SLC36A1: variants seen among roughly 807,000 people sequenced by gnomAD.
SLC36A1 encodes the protein solute carrier family 36 member 1, also known as proton-coupled amino acid transporter 1.
A neutral mutation model predicts 47.5 loss-of-function variants in SLC36A1; 30 were observed. The ratio of observed to expected loss-of-function variants is 0.63; its 90% CI spans 0.47 to 0.86. SLC36A1 has a LOEUF of 0.86. Among genes scored for constraint, SLC36A1 ranks in the 40% least tolerant of loss-of-function variants. The pLI is 0.00. For missense variants in SLC36A1, 517 were observed against 606.0 expected (o/e 0.85, Z 1.54); for synonymous variants, 255 against 249.7 (o/e 1.02, Z -0.20).
At chr5:151,428,611 T>C in the SLC36A1 span, among the ~76,000 whole-genome samples, 1 of 152,068 alleles carries the variant, frequency 6.6e-6, no homozygotes, top group Non-Finnish European at 1.5e-5. Context: ...TGGAGACAAG[T>C]GATAAAGAGC....
downstream of SLC36A1, among the ~76,000 whole-genome samples, chr5:151,493,009 C>A (rs752180891): frequency 2.0e-4 from 31 of 152,158 alleles, no homozygotes; most frequent in Non-Finnish European, 4.0e-4. Flanking sequence ...TCTGTGTTCA[C>A]ATATGTGTGT....
chr5:151,421,205 C>CTTCCTTCCTTCCTTCCTTCA, the SLC36A1 span, among the ~76,000 whole-genome samples: 1 of 146,244 alleles, frequency 6.8e-6, no homozygotes, highest in African/African-American at 2.5e-5. Flanking sequence ...TCCTTCCTTC[C>CTTCCTTCCTTCCTTCCTTCA]TTCCTTCCTT....
At chr5:151,460,670 C>T (rs547401255) in intron 2 of SLC36A1, among the ~76,000 whole-genome samples, 7 of 151,874 alleles carry the variant, frequency 4.6e-5, no homozygotes, top group African/African-American at 1.4e-4. Flanking sequence ...ATAGGATCCA[C>T]GCAAGGATTT....
chr5:151,521,252 C>T, the SLC36A1 span: 180 of 1,575,376 alleles, frequency 1.1e-4, no homozygotes, highest in Middle Eastern at 6.8e-4. Context: ...TGCTGCTCGT[C>T]CCTAGGGAAG....
chr5:151,372,519 C>G, the SLC36A1 span, among the ~76,000 whole-genome samples: 1 of 152,134 alleles, frequency 6.6e-6, no homozygotes, highest in Admixed American at 6.5e-5. Context: ...TTACAATGCA[C>G]TGCGTCCTGG....
chr5:151,506,363 G>A, the SLC36A1 span, among the ~76,000 whole-genome samples: 1 of 152,210 alleles, frequency 6.6e-6, no homozygotes, highest in Non-Finnish European at 1.5e-5. Context: ...GAAGGATTTG[G>A]ATGTCTCCAT....
chr5:151,476,437 C>T (rs1029173488), intron 8 of SLC36A1, among the ~76,000 whole-genome samples, 153 bp from the exon 9 acceptor site: 1 of 152,160 alleles, frequency 6.6e-6, no homozygotes, highest in Non-Finnish European at 1.5e-5. Flanking sequence ...AAGAGCATAA[C>T]GTCTGATGAA....
intron 1 of SLC36A1, among the ~76,000 whole-genome samples, chr5:151,452,125 C>G (rs1341843408): frequency 6.6e-6 from 1 of 152,206 alleles, no homozygotes; most frequent in African/African-American, 2.4e-5. Flanking sequence ...CTGCTTTGTG[C>G]AGAACCTGCT....
rs376306101 is a variant in SLC36A1, at chr5:151,454,836, C to T, written c.-5-3952C>T. Among the ~76,000 whole-genome samples the T allele has an allele frequency of 2.6e-4, 40 of 152,052 alleles. 1 individual carries two copies. The East Asian group carries it at 7.0e-3, about 27-fold the overall frequency. On this transcript the variant is annotated intron_variant, in intron 1 of 10. Transcript: ENST00000243389. ...CACACCATTCTCCTGCCTCAGCCTC[C>T]CGAGTAGCTGGGACTACAGGCGCCC...
chr5:151,513,586 C>G, the SLC36A1 span, among the ~76,000 whole-genome samples: 1 of 147,428 alleles, frequency 6.8e-6, no homozygotes. Flanking sequence ...GACATCAGGG[C>G]CTACTTGAGG....
the SLC36A1 span, among the ~76,000 whole-genome samples, chr5:151,347,851 A>G: frequency 3.9e-5 from 6 of 152,194 alleles, no homozygotes; most frequent in African/African-American, 1.4e-4. Context: ...AACCCTATCA[A>G]TTAAGTAAGG....
chr5:151,429,595 A>G, the SLC36A1 span, among the ~76,000 whole-genome samples: 398 of 151,976 alleles, frequency 2.6e-3, 2 homozygotes, highest in African/African-American at 8.7e-3. Context: ...AATCCAGTCT[A>G]TCATTGTTAC....
chr5:151,496,404 T>G (rs1165241684), downstream of SLC36A1, among the ~76,000 whole-genome samples: 1 of 152,224 alleles, frequency 6.6e-6, no homozygotes, highest in Non-Finnish European at 1.5e-5. Context: ...GAAAACAGAC[T>G]AGTACGTATG....
upstream of SLC36A1, among the ~76,000 whole-genome samples, chr5:151,433,206 A>G (rs1287702151): frequency 8.4e-6 from 1 of 119,262 alleles, no homozygotes; most frequent in Non-Finnish European, 1.7e-5. Context: ...GAAAATAACT[A>G]AAACTTCTGA....
chr5:151,545,457 C>T, the SLC36A1 span: 2 of 1,614,180 alleles, frequency 1.2e-6, no homozygotes, highest in South Asian at 2.2e-5. Flanking sequence ...CCATGAGAAG[C>T]TCCATGCCTG....
intron 1 of SLC36A1, among the ~76,000 whole-genome samples, chr5:151,438,333 A>C (rs1759896550): frequency 6.6e-6 from 1 of 152,086 alleles, no homozygotes; most frequent in Non-Finnish European, 1.5e-5. Context: ...TTTTTCACAT[A>C]ACATGAAGGA....
At chr5:151,497,552 G>C in the SLC36A1 span, among the ~76,000 whole-genome samples, 1 of 152,158 alleles carries the variant, frequency 6.6e-6, no homozygotes, top group African/African-American at 2.4e-5. Flanking sequence ...TTTTAGAAAT[G>C]AGCAAAGCCA....
the SLC36A1 span, among the ~76,000 whole-genome samples, chr5:151,404,847 T>C: frequency 6.6e-6 from 1 of 152,240 alleles, no homozygotes; most frequent in Admixed American, 6.5e-5. Context: ...GATTTTTTCT[T>C]TCTCATTGAC....
chr5:151,437,746 C>T (rs1759857364), intron 1 of SLC36A1, among the ~76,000 whole-genome samples: 1 of 151,998 alleles, frequency 6.6e-6, no homozygotes, highest in Non-Finnish European at 1.5e-5. Context: ...TATTCATTTC[C>T]TGTTGCTGCT....
Sources: allele counts gnomAD v4.1 joint callset (sites outside exome capture counted in the v4.1 genomes callset), GRCh38; gene constraint gnomAD v4.1.1; transcripts MANE v1.5; gene names NCBI Gene and HGNC (gene_info 2026-07-23, HGNC 2026-07-21).